The following ZDHHC14 variants were observed in gnomAD, a reference collection of about 807,000 sequenced individuals.
The protein encoded by ZDHHC14 is zDHHC palmitoyltransferase 14, also known as palmitoyltransferase ZDHHC14.
ZDHHC14 carries 16 observed loss-of-function variants against 47.7 expected under a neutral mutation model. The observed-to-expected ratio is 0.34, with a 90% CI of 0.23 to 0.51. The LOEUF is 0.51. Among genes scored for constraint, ZDHHC14 ranks in the 20% least tolerant of loss-of-function variants. The probability of loss-of-function intolerance (pLI) is 0.97; values close to 1 mark genes in which losing one functional copy is unlikely to be tolerated. For missense variants in ZDHHC14, 515 were observed against 662.5 expected (o/e 0.78, Z 2.44); for synonymous variants, 293 against 278.9 (o/e 1.05, Z -0.50).
At chr6:157,401,620 C>T (rs936585907) in intron 1 of ZDHHC14, among the ~76,000 whole-genome samples, 66 of 150,050 alleles carry the variant, frequency 4.4e-4, no homozygotes, top group African/African-American at 1.6e-3. Context: ...GTGAGATGTG[C>T]TCCTGCTGAG....
At chr6:157,564,826 A>G (rs1020564080) in intron 2 of ZDHHC14, among the ~76,000 whole-genome samples, 2 of 152,210 alleles carry the variant, frequency 1.3e-5, no homozygotes, top group Admixed American at 1.3e-4. Context: ...GAGAACTCAT[A>G]GGTTTGGGCC....
At chr6:157,440,555 G>A (rs186378527) in intron 1 of ZDHHC14, among the ~76,000 whole-genome samples, 54 of 152,200 alleles carry the variant, frequency 3.5e-4, no homozygotes, top group African/African-American at 1.3e-3. Context: ...TCCATTTCTA[G>A]GAATATACCC....
At chr6:157,621,659 C>T (rs1041386712) in intron 3 of ZDHHC14, among the ~76,000 whole-genome samples, 2 of 152,156 alleles carry the variant, frequency 1.3e-5, no homozygotes, top group Non-Finnish European at 2.9e-5. Flanking sequence ...ACTCTGGATC[C>T]ACTCTTGAGG....
chr6:157,546,216 G>A (rs531271817), intron 2 of ZDHHC14, among the ~76,000 whole-genome samples: 12 of 152,236 alleles, frequency 7.9e-5, no homozygotes, highest in Middle Eastern at 3.4e-3. Context: ...GAGTCCTCCC[G>A]TATACTACTT....
chr6:157,454,616 G>T (rs886506819), intron 1 of ZDHHC14, among the ~76,000 whole-genome samples: 1 of 150,772 alleles, frequency 6.6e-6, no homozygotes, highest in Non-Finnish European at 1.5e-5. Flanking sequence ...TTCTCCCACC[G>T]CCTCAGCCTC....
intron 1 of ZDHHC14, among the ~76,000 whole-genome samples, chr6:157,387,563 A>G (rs544819517): frequency 2.6e-5 from 4 of 152,334 alleles, no homozygotes; most frequent in African/African-American, 7.2e-5. Context: ...GACCCTCAGG[A>G]CCTTACCAGA....
At chr6:157,558,071 G>A (rs1335367783) in intron 2 of ZDHHC14, among the ~76,000 whole-genome samples, 4 of 152,232 alleles carry the variant, frequency 2.6e-5, no homozygotes, top group Non-Finnish European at 5.9e-5. Context: ...GTTATTGGGA[G>A]TATGATCATT....
chr6:157,626,771 C>G (rs1332046835), intron 3 of ZDHHC14, among the ~76,000 whole-genome samples: 1 of 126,946 alleles, frequency 7.9e-6, no homozygotes, highest in Non-Finnish European at 1.7e-5. Context: ...TTCTGTCATT[C>G]CAGTATCACA....
rs1785017265 is a variant in ZDHHC14 at position 157,617,520 on chromosome 6, CTT to C, written c.566-10827_566-10826del. ...TCTCTGTGCCCAGACGATGTGGACTCTTTGCTACAAGATCCCAGAAACGTATT... is the reference window on the plus strand; with the variant it reads ...TCTCTGTGCCCAGACGATGTGGACTCTGCTACAAGATCCCAGAAACGTATT... On this transcript the variant is annotated intron_variant, in intron 3 of 8. Transcript: ENST00000359775. Among the ~76,000 whole-genome samples, 3 of 152,288 alleles carry C rather than the reference CTT, an allele frequency of 2.0e-5. No homozygotes were observed. In the South Asian group the frequency reaches 6.2e-4, roughly 32 times the overall value.
At chr6:157,382,400 C>G (rs1051428569) in intron 1 of ZDHHC14, 134 bp downstream of exon 1, 20 of 1,110,796 alleles carry the variant, frequency 1.8e-5, no homozygotes, top group Non-Finnish European at 2.3e-5. Context: ...TCTGCGCTCC[C>G]TCTTTTTTCT....
intron 1 of ZDHHC14, among the ~76,000 whole-genome samples, chr6:157,531,494 A>T (rs1445271665): frequency 6.9e-6 from 1 of 145,872 alleles, no homozygotes; most frequent in Non-Finnish European, 1.5e-5. Flanking sequence ...CTTCACCAAC[A>T]CCCCCCGCTC....
chr6:157,651,374 T>C (rs926768452), intron 7 of ZDHHC14, among the ~76,000 whole-genome samples: 12 of 152,040 alleles, frequency 7.9e-5, no homozygotes, highest in Non-Finnish European at 1.5e-4. Flanking sequence ...TCACCTGGCA[T>C]TCTCTTCCTC....
At chr6:157,532,038 A>T (rs1365708694) in intron 1 of ZDHHC14, among the ~76,000 whole-genome samples, 2 of 152,184 alleles carry the variant, frequency 1.3e-5, no homozygotes, top group African/African-American at 4.8e-5. Context: ...TTGAAGCCCT[A>T]GTGTGGGGCC....
intron 7 of ZDHHC14, among the ~76,000 whole-genome samples, chr6:157,648,616 C>T (rs150214331): frequency 3.3e-5 from 5 of 152,274 alleles, no homozygotes; most frequent in Non-Finnish European, 5.9e-5. Flanking sequence ...CTCAAGGCAC[C>T]CCTGACCTCC....
intron 1 of ZDHHC14, among the ~76,000 whole-genome samples, chr6:157,431,844 C>A (rs372520760): frequency 2.0e-5 from 3 of 151,942 alleles, no homozygotes; most frequent in Admixed American, 6.6e-5. Flanking sequence ...ATCCTCCCAC[C>A]TCAGCCTGCA....
At chr6:157,409,982 C>T (rs1421400840) in intron 1 of ZDHHC14, among the ~76,000 whole-genome samples, 1 of 152,102 alleles carries the variant, frequency 6.6e-6, no homozygotes, top group East Asian at 1.9e-4. Flanking sequence ...GCACATGCCA[C>T]CATCACGCCC....
At chr6:157,543,364 TA>T (rs1781845699) in intron 2 of ZDHHC14, among the ~76,000 whole-genome samples, 1 of 151,748 alleles carries the variant, frequency 6.6e-6, no homozygotes, top group South Asian at 2.1e-4. Flanking sequence ...TTTTTTTAAT[TA>T]AAAGGAGTGC....
chr6:157,562,916 G>A (rs1006724859), intron 2 of ZDHHC14, among the ~76,000 whole-genome samples: 4 of 150,848 alleles, frequency 2.7e-5, no homozygotes, highest in Non-Finnish European at 4.4e-5. Flanking sequence ...GGTCAAGGAA[G>A]AACCTAGAAC....
At chr6:157,546,837 A>C (rs776358730) in intron 2 of ZDHHC14, among the ~76,000 whole-genome samples, 1 of 152,204 alleles carries the variant, frequency 6.6e-6, no homozygotes, top group Non-Finnish European at 1.5e-5. Context: ...TTCACATTCC[A>C]CAGGTTTCGT....
Sources: gnomAD v4.1 joint callset for allele counts (sites outside exome capture counted in the v4.1 genomes callset) on GRCh38, gnomAD v4.1.1 for gene constraint, MANE v1.5 for transcripts, NCBI Gene and HGNC (gene_info 2026-07-23, HGNC 2026-07-21) for gene names.